Variants in PCDHA6 observed in about 807,000 individuals in gnomAD.
PCDHA6 encodes the protein protocadherin alpha 6.
Under a neutral mutation model 60.3 loss-of-function variants are expected in PCDHA6, and 55 were observed. The ratio of observed to expected loss-of-function variants is 0.91; its 90% CI spans 0.73 to 1.14. The LOEUF is 1.14. PCDHA6 is among the 50% of genes most tolerant of loss of function. The pLI is 0.00. For missense variants in PCDHA6, 1,327 were observed against 1,256.5 expected, an observed-to-expected ratio of 1.06 and a Z score of -0.85; for synonymous variants, 652 against 557.9, an observed-to-expected ratio of 1.17 and a Z score of -2.38.
At chr5:140,905,360 T>C (rs2071771480) in intron 1 of PCDHA6, among the ~76,000 whole-genome samples, 2 of 152,238 alleles carry the variant, frequency 1.3e-5, no homozygotes, top group Non-Finnish European at 2.9e-5. Context: ...TTTGACTATA[T>C]TTCTGGTTCT....
intron 3 of PCDHA6, among the ~76,000 whole-genome samples, chr5:141,006,898 C>A (rs2098293427): frequency 6.6e-6 from 1 of 152,152 alleles, no homozygotes; most frequent in East Asian, 1.9e-4. Context: ...TTTCAGATTT[C>A]TTCAGTTTGG....
In PCDHA6 at chr5:140,884,802, ACTCTGC is replaced by A. The variant is rs2060361534; in HGVS notation, c.2394+54318_2394+54323del. The A allele has an allele frequency of 4.1e-6, 5 of 1,232,140 alleles. No individual in the cohort carries two copies. The South Asian group carries it at 9.1e-5, about 22-fold the overall frequency. The allele number at this position is 1,232,140 out of a possible 1,614,324, so 76.3% of individuals were successfully genotyped here. A position where few individuals can be genotyped will look rare whatever the true frequency, so the allele number is the denominator to read the frequency against. ...TTGCTAGTTGTTATCGAATTTAACA[ACTCTGC>A]TGTGGACATTATGTGTTGGATTATC... is the stretch of plus-strand genomic sequence containing the variant. On this transcript the variant is annotated intron_variant, in intron 1 of 3. Transcript: ENST00000529310.
Position 140,836,117 on chromosome 5 carries a change from A to G in PCDHA6, c.2394+5632A>G, listed in dbSNP as rs1254092346. The G allele has an allele frequency of 3.1e-6, 5 of 1,613,532 alleles. No homozygotes were observed. In the Admixed American group the frequency reaches 5.0e-5, roughly 16 times the overall value. On this transcript the variant is annotated intron_variant, in intron 1 of 3. Transcript: ENST00000529310. ...TGGGTGGCACTGGTGGCGCAGTGAG[A>G]GAGCTTGTGCCGCGGTCTGTGGGCG...
intron 1 of PCDHA6, among the ~76,000 whole-genome samples, chr5:140,905,881 T>C (rs1241086266): frequency 1.3e-5 from 2 of 152,080 alleles, no homozygotes; most frequent in Non-Finnish European, 2.9e-5. Context: ...GGCCCAACAA[T>C]AGGCCATCTG....
intron 3 of PCDHA6, among the ~76,000 whole-genome samples, chr5:140,991,017 C>G (rs1440489095): frequency 6.6e-6 from 1 of 152,178 alleles, no homozygotes; most frequent in Non-Finnish European, 1.5e-5. Context: ...GTGATAAGCA[C>G]TTTACATATG....
intron 1 of PCDHA6, among the ~76,000 whole-genome samples, chr5:140,898,903 C>T (rs1323359632): frequency 6.6e-6 from 1 of 152,100 alleles, no homozygotes; most frequent in Non-Finnish European, 1.5e-5. Context: ...AGAGGTCCTT[C>T]ACGTCCCTTG....
At chr5:140,908,342 A>G (rs542660039) in intron 1 of PCDHA6, among the ~76,000 whole-genome samples, 48 of 152,196 alleles carry the variant, frequency 3.2e-4, no homozygotes, top group Non-Finnish European at 5.3e-4. Flanking sequence ...TTGAGCCACT[A>G]CCTCATGTAA....
At chr5:140,835,526 C>T in intron 1 of PCDHA6, 1 of 1,613,946 alleles carries the variant, frequency 6.2e-7, no homozygotes. Context: ...ATTTTGGAGT[C>T]AACGGACAGG....
chr5:140,870,009 G>T, intron 1 of PCDHA6: 2 of 1,613,488 alleles, frequency 1.2e-6, no homozygotes, highest in Non-Finnish European at 1.7e-6. Flanking sequence ...GAGAAGTGAG[G>T]GTCAATGGAA....
chr5:140,955,440 G>A (rs1332391978), intron 1 of PCDHA6, among the ~76,000 whole-genome samples: 3 of 152,022 alleles, frequency 2.0e-5, no homozygotes, highest in Admixed American at 2.0e-4. Context: ...TAGGTCTGAT[G>A]GTTTTATAAG....
At chr5:140,884,446 G>C in intron 1 of PCDHA6, 1 of 1,613,770 alleles carries the variant, frequency 6.2e-7, no homozygotes, top group Non-Finnish European at 8.5e-7. Context: ...GCTCGGCACC[G>C]CCCACCGAGG....
intron 1 of PCDHA6, chr5:140,854,159 CAA>C (rs59855104): frequency 4.1e-3 from 1,382 of 339,958 alleles, no homozygotes; most frequent in Non-Finnish European, 4.7e-3. Flanking sequence ...GATTCTGTCT[CAA>C]AAAAAAAAAA....
intron 1 of PCDHA6, chr5:140,861,476 C>T: frequency 2.0e-6 from 1 of 493,226 alleles, no homozygotes; most frequent in South Asian, 1.5e-5. Flanking sequence ...TGCAGAATGG[C>T]ATTTTTGTGA....
chr5:140,828,367 C>T lies in PCDHA6; in HGVS notation c.276C>T (p.Arg92=), dbSNP rs782811756. ...GILFVNSRID[R]EELCGRSAEC... ...TGTTTGTGAATTCTCGGATCGACCG[C>T]GAGGAGCTGTGCGGGCGGAGCGCGG... is the stretch of plus-strand genomic sequence containing the variant. The change falls in exon 1 of 4, where the codon CGC becomes CGT. Residue 92 remains arginine (R), a synonymous_variant. Coordinates refer to ENST00000529310, the MANE Select transcript of PCDHA6 (RefSeq NM_018909.4). 5.0e-6 allele frequency: 8 copies of T among 1,614,132 alleles called. No homozygotes were observed. Among genetic ancestry groups the T allele is most frequent in the Non-Finnish European group, 6.8e-6 (8 of 1,180,054 alleles).
Position 141,010,026 on chromosome 5 carries a change from T to C in PCDHA6, c.*89T>C. On this transcript the variant is annotated 3_prime_UTR_variant, in exon 4 of 4. Transcript: ENST00000529310. ...AGCAATTCCCTGCTCCTTTTTCCTA[T>C]CTACATGAGCCCTCTTAGAGACCTC... 1 of 1,574,670 alleles carries C rather than the reference T, an allele frequency of 6.4e-7. No homozygotes were observed. The highest frequency in any genetic ancestry group is 8.6e-7 in the Non-Finnish European group (1 of 1,164,154).
intron 1 of PCDHA6, chr5:140,854,600 A>G (rs1474878225): frequency 6.7e-6 from 1 of 149,994 alleles, no homozygotes; most frequent in African/African-American, 2.4e-5. Flanking sequence ...GTTTAAAGTA[A>G]TTGACACATT....
intron 1 of PCDHA6, among the ~76,000 whole-genome samples, chr5:140,971,359 G>T (rs537725732): frequency 6.6e-5 from 10 of 152,312 alleles, no homozygotes; most frequent in Admixed American, 3.3e-4. Flanking sequence ...GGGAGATTTT[G>T]CCAGGAGAGT....
chr5:140,876,568 G>A (rs1302204057), intron 1 of PCDHA6: 1 of 1,614,046 alleles, frequency 6.2e-7, no homozygotes, highest in African/African-American at 1.3e-5. Context: ...TGCTCAGGTG[G>A]GTACCGTCAT....
chr5:140,836,653 G>T lies in PCDHA6; in HGVS notation c.2394+6168G>T, dbSNP rs2150266924. ...TCATTCTCCCAGCAGAGGCGGCAGA[G>T]GGTGTGCTCTGGGGAGGGCCCACCC... On this transcript the variant is annotated intron_variant, in intron 1 of 3. Transcript: ENST00000529310. The T allele has an allele frequency of 1.9e-5, 30 of 1,613,390 alleles. 1 individual carries two copies. Among genetic ancestry groups the T allele is most frequent in the African/African-American group, 4.0e-5 (3 of 74,806 alleles).
Sources: allele counts gnomAD v4.1 joint callset (sites outside exome capture counted in the v4.1 genomes callset), GRCh38; gene constraint gnomAD v4.1.1; transcripts MANE v1.5; gene names NCBI Gene and HGNC (gene_info 2026-07-23, HGNC 2026-07-21).